SLC29A1: variants seen among roughly 807,000 people sequenced by gnomAD.
SLC29A1 encodes solute carrier family 29 member 1 (Augustine blood group), also known as equilibrative nucleoside transporter 1.
SLC29A1 carries 22 observed loss-of-function variants against 48.3 expected under a neutral mutation model. The ratio of observed to expected loss-of-function variants is 0.46; its 90% CI spans 0.33 to 0.65. SLC29A1 has a LOEUF of 0.65. Ranked by LOEUF, SLC29A1 falls within the 30% of genes least tolerant of loss-of-function variation. SLC29A1 has a pLI of 0.03. For missense variants in SLC29A1, 491 were observed against 575.3 expected (o/e 0.85, Z 1.50); for synonymous variants, 228 against 231.0 (o/e 0.99, Z 0.12).
Position 44,223,647 on chromosome 6 carries a change from G to T in SLC29A1, c.-52+6G>T. The T allele has an allele frequency of 1.7e-6, 2 of 1,204,196 alleles. No individual in the cohort carries two copies. The highest frequency in any genetic ancestry group is 2.1e-6 in the Non-Finnish European group (2 of 945,768). 74.6% of individuals were successfully genotyped at this position (1,204,196 alleles called of 1,614,324 possible). ...GAGCAGTGCTTCTGCGGCAGGTGCT[G>T]CCCGGGGCCGGGGACTGGGGACTGG... is the stretch of plus-strand genomic sequence containing the variant. On this transcript the variant is annotated splice_donor_region_variant and intron_variant, in intron 1 of 12. Coordinates refer to ENST00000371755, the MANE Select transcript of SLC29A1 (RefSeq NM_001372327.1). This position sits in a 1 kb window ranked among gnomAD's most constrained non-coding sequence, Gnocchi z 5.0.
At chr6:44,227,976 C>G (rs1777950157) in intron 2 of SLC29A1, among the ~76,000 whole-genome samples, 1 of 152,230 alleles carries the variant, frequency 6.6e-6, no homozygotes, top group South Asian at 2.1e-4. Context: ...CCTACCCACC[C>G]CATCTCCCTC....
intron 5 of SLC29A1, 27 bp from the exon 6 acceptor site, chr6:44,230,320 C>T: frequency 1.2e-6 from 2 of 1,600,380 alleles, no homozygotes; most frequent in Non-Finnish European, 1.7e-6. Context: ...CCTAGCTCCC[C>T]TGCTCATGCC....
upstream of SLC29A1, chr6:44,219,854 C>T (rs1776127313): frequency 1.9e-6 from 2 of 1,069,948 alleles, no homozygotes; most frequent in Non-Finnish European, 2.5e-6. Flanking sequence ...CGTTCTCACG[C>T]TGCCGGGCGG....
In SLC29A1 at chr6:44,233,022, A is replaced by G; in HGVS notation, c.1259+16A>G. The G allele has an allele frequency of 6.2e-7, 1 of 1,609,438 alleles. No individual in the cohort carries two copies. Among genetic ancestry groups the G allele is most frequent in the Non-Finnish European group, 8.5e-7 (1 of 1,179,682 alleles). On this transcript the variant is annotated intron_variant, in intron 12 of 12. Coordinates refer to ENST00000371755, the MANE Select transcript of SLC29A1 (RefSeq NM_001372327.1). ...TCGGGCCCAAGTGAGTAGGGCTGGC[A>G]GGGAACTTGGTGGCATCAGACAGGA...
rs1179816775 is a variant in SLC29A1, at chr6:44,230,679, G to A, written c.687+14G>A. The A allele has an allele frequency of 1.9e-6, 3 of 1,590,848 alleles. No individual in the cohort carries two copies. Among genetic ancestry groups the A allele is most frequent in the African/African-American group, 1.3e-5 (1 of 74,466 alleles). ...CTGCCCCGCCTGGTGAGTAAATGGAGGGAGCTGGGGTTTGGGGTATAGGGG... is the reference window on the plus strand; with the variant it reads ...CTGCCCCGCCTGGTGAGTAAATGGAAGGAGCTGGGGTTTGGGGTATAGGGG... On this transcript the variant is annotated intron_variant, in intron 7 of 12. Transcript: ENST00000371755.
In SLC29A1 at chr6:44,232,812, G is replaced by A; in HGVS notation, c.1065G>A (p.Gly355=). ...RSLTAVFMWP[G]KDSRWLPSLV... ...GCCCTGCCTGGTGCCCACAGCCTGG[G>A]AAGGACAGCCGCTGGCTGCCAAGCC... Residue 355 remains glycine (G), a synonymous_variant, in exon 12 of 13, where the codon GGG becomes GGA. Transcript: ENST00000371755. The surrounding 1 kb of genome is among the most constrained non-coding windows in gnomAD (Gnocchi z 4.7). 6.2e-7 allele frequency: 1 copy of A among 1,610,650 alleles called. No individual in the cohort carries two copies.
chr6:44,233,746 G>C lies in SLC29A1; in HGVS notation c.*218G>C. The C allele has an allele frequency of 1.7e-6, 1 of 575,258 alleles. No individual in the cohort carries two copies. Among genetic ancestry groups the C allele is most frequent in the Non-Finnish European group, 3.1e-6 (1 of 321,680 alleles). The allele number at this position is 575,258 out of a possible 1,614,324, so 35.6% of individuals were successfully genotyped here. ...TTTGGGGCTCAGAGTCGAGGGACGGGGTGTAGCCTCGGCATTTGCTTGAGT... is the reference window on the plus strand; with the variant it reads ...TTTGGGGCTCAGAGTCGAGGGACGGCGTGTAGCCTCGGCATTTGCTTGAGT... On this transcript the variant is annotated 3_prime_UTR_variant, in exon 13 of 13. Coordinates refer to ENST00000371755, the MANE Select transcript of SLC29A1 (RefSeq NM_001372327.1).
chr6:44,219,893 G>C, upstream of SLC29A1: 1 of 694,916 alleles, frequency 1.4e-6, no homozygotes, highest in South Asian at 1.7e-5. Flanking sequence ...GGACCCGCTG[G>C]GCTACAGTGT....
chr6:44,224,802 C>T (rs867464114), intron 1 of SLC29A1, among the ~76,000 whole-genome samples: 4 of 152,164 alleles, frequency 2.6e-5, no homozygotes, highest in Admixed American at 1.3e-4. Context: ...CTCAGCAGGC[C>T]AAGGCATAGT....
At position 44,227,481 on chromosome 6, in the gene SLC29A1, TG is replaced by T. The variant is rs943308285; in HGVS notation, c.29+143del. 6.8e-6 allele frequency: 5 copies of T among 739,432 alleles called. No individual in the cohort carries two copies. In the African/African-American group the frequency reaches 7.0e-5, roughly 10 times the overall value. 45.8% of individuals were successfully genotyped at this position (739,432 alleles called of 1,614,324 possible). A position where few individuals can be genotyped will look rare whatever the true frequency, so the allele number is the denominator to read the frequency against. On this transcript the variant is annotated intron_variant, in intron 2 of 12. Coordinates refer to ENST00000371755, the MANE Select transcript of SLC29A1 (RefSeq NM_001372327.1). ...CTATGAGTCAGGTCTGCATCAGGGG[TG>T]GGGACCCCGTGTGCCTTGGCTGGGT...
chr6:44,223,463 G>A (rs1776711421), upstream of SLC29A1: 6 of 878,402 alleles, frequency 6.8e-6, no homozygotes, highest in African/African-American at 1.9e-5. This position sits in a 1 kb window ranked among gnomAD's most constrained non-coding sequence, Gnocchi z 5.0. Flanking sequence ...GGAGCGCGCG[G>A]AGTCGCCGCG....
intron 1 of SLC29A1, among the ~76,000 whole-genome samples, chr6:44,225,402 A>T (rs1054101099): frequency 6.6e-6 from 1 of 151,260 alleles, no homozygotes; most frequent in African/African-American, 2.4e-5. Flanking sequence ...GCTTCTTGGG[A>T]GGCTGAGGCA....
chr6:44,229,900 C>T lies in SLC29A1; in HGVS notation c.315-7C>T, dbSNP rs377272315. 1 of 1,612,828 alleles carries T rather than the reference C, an allele frequency of 6.2e-7. No homozygotes were observed. Among genetic ancestry groups the T allele is most frequent in the Non-Finnish European group, 8.5e-7 (1 of 1,180,012 alleles). Reference sequence around the variant, plus strand: ...TTGTCTCTGCCACCCTTGGCCTCTCCCGGCAGGATCCCCCAGTCCGTACGG... The same window carrying T: ...TTGTCTCTGCCACCCTTGGCCTCTCTCGGCAGGATCCCCCAGTCCGTACGG... On this transcript the variant is annotated splice_polypyrimidine_tract_variant and splice_region_variant and intron_variant, in intron 4 of 12. Coordinates refer to ENST00000371755, the MANE Select transcript of SLC29A1 (RefSeq NM_001372327.1). The surrounding 1 kb of genome is among the most constrained non-coding windows in gnomAD (Gnocchi z 5.1).
At position 44,232,401 on chromosome 6, in the gene SLC29A1, C is replaced by A; in HGVS notation, c.1032C>A (p.Gly344=). The change falls in exon 11 of 13, where the codon GGC becomes GGA. Residue 344 remains glycine (G), a synonymous_variant. Transcript: ENST00000371755. The surrounding 1 kb of genome is among the most constrained non-coding windows in gnomAD (Gnocchi z 4.7). ...FLTFNIFDWL[G]RSLTAVFMWP... Reference sequence around the variant, plus strand: ...CTTTCAATATCTTTGACTGGTTGGGCCGGAGCCTCACAGCTGTATTCATGT... The same window carrying A: ...CTTTCAATATCTTTGACTGGTTGGGACGGAGCCTCACAGCTGTATTCATGT... 1.9e-6 allele frequency: 3 copies of A among 1,613,390 alleles called. No individual in the cohort carries two copies. Among genetic ancestry groups the A allele is most frequent in the Non-Finnish European group, 2.5e-6 (3 of 1,179,332 alleles).
chr6:44,230,686 G>A, intron 7 of SLC29A1, 21 bp downstream of exon 7: 1 of 1,565,390 alleles, frequency 6.4e-7, no homozygotes, highest in African/African-American at 1.4e-5. Context: ...GGAGGGAGCT[G>A]GGGTTTGGGG....
At position 44,230,602 on chromosome 6, in the gene SLC29A1, C is replaced by G; in HGVS notation, c.624C>G (p.Tyr208Ter). 1.2e-6 allele frequency: 2 copies of G among 1,601,934 alleles called. No individual in the cohort carries two copies. The highest frequency in any genetic ancestry group is 1.7e-6 in the Non-Finnish European group (2 of 1,174,784). ...GSELSESAFGYFITACAVIIL... is the reference protein window; with the variant it reads ...GSELSESAFG Reference sequence around the variant, plus strand: ...AGCTATCAGAAAGTGCCTTCGGCTACTTTATCACAGCCTGTGCTGTTATCA... The same window carrying G: ...AGCTATCAGAAAGTGCCTTCGGCTAGTTTATCACAGCCTGTGCTGTTATCA... The change falls in exon 7 of 13, where the codon TAC becomes TAG. Residue 208 changes from tyrosine to a stop codon, truncating the protein, a stop_gained. Coordinates refer to ENST00000371755, the MANE Select transcript of SLC29A1 (RefSeq NM_001372327.1). LOFTEE classifies it high-confidence loss of function.
At chr6:44,219,838 C>G, upstream of SLC29A1, 1 of 1,075,322 alleles carries the variant, frequency 9.3e-7, no homozygotes, top group Non-Finnish European at 1.2e-6. Flanking sequence ...GGGGCGAGGT[C>G]TGCGCCGTTC....
Position 44,233,756 on chromosome 6 carries a change from C to T in SLC29A1, c.*228C>T, listed in dbSNP as rs550425829. On this transcript the variant is annotated 3_prime_UTR_variant, in exon 13 of 13. Transcript: ENST00000371755. ...AGAGTCGAGGGACGGGGTGTAGCCTCGGCATTTGCTTGAGTTTCTCCACTC... is the reference window on the plus strand; with the variant it reads ...AGAGTCGAGGGACGGGGTGTAGCCTTGGCATTTGCTTGAGTTTCTCCACTC... 4.8e-5 allele frequency: 27 copies of T among 559,446 alleles called. No homozygotes were observed. The highest frequency in any genetic ancestry group is 4.2e-4 in the African/African-American group (22 of 52,980). The allele number at this position is 559,446 out of a possible 1,614,324, so 34.7% of individuals were successfully genotyped here.
At chr6:44,226,899 C>G (rs1777663885) in intron 1 of SLC29A1, 1 of 1,058,694 alleles carries the variant, frequency 9.4e-7, no homozygotes. Flanking sequence ...CTCTTGCCTG[C>G]CTTCTTTGAC....
Sources: gnomAD v4.1 joint callset for allele counts (sites outside exome capture counted in the v4.1 genomes callset) on GRCh38, gnomAD v4.1.1 for gene constraint, Gnocchi (gnomAD v3.1) non-coding constraint, MANE v1.5 for transcripts, NCBI Gene and HGNC (gene_info 2026-07-23, HGNC 2026-07-21) for gene names.